TAOK3: variants seen among roughly 807,000 people sequenced by gnomAD.
The protein encoded by TAOK3 is serine/threonine-protein kinase TAO3.
A neutral mutation model predicts 120.4 loss-of-function variants in TAOK3; 40 were observed. The observed-to-expected ratio is 0.33, with a 90% CI of 0.26 to 0.43. The LOEUF is 0.43. Among genes scored for constraint, TAOK3 ranks in the 20% least tolerant of loss-of-function variants. The pLI is 1.00. For synonymous variants in TAOK3, 355 were observed against 387.5 expected (o/e 0.92, Z 0.99); for missense variants, 821 against 1,112.1 (o/e 0.74, Z 3.72).
intron 1 of TAOK3, among the ~76,000 whole-genome samples, chr12:118,315,712 C>G (rs1299029526): frequency 1.3e-5 from 2 of 151,864 alleles, no homozygotes; most frequent in Admixed American, 6.6e-5. Flanking sequence ...CCTCCTCCCC[C>G]CAAAAAGGAA....
intron 1 of TAOK3, among the ~76,000 whole-genome samples, chr12:118,282,883 G>A (rs181376454): frequency 6.6e-6 from 1 of 152,228 alleles, no homozygotes; most frequent in East Asian, 1.9e-4. Flanking sequence ...TACTCCTTTC[G>A]CTGTATCCAC....
intron 2 of TAOK3, among the ~76,000 whole-genome samples, chr12:118,265,394 GAA>G (rs35810306): frequency 1.1e-3 from 73 of 68,592 alleles, no homozygotes; most frequent in African/African-American, 1.5e-3. Flanking sequence ...GTCTCAGGAA[GAA>G]AAAAAAAAAA....
At chr12:118,197,879 G>C (rs1032689025) in intron 13 of TAOK3, among the ~76,000 whole-genome samples, 4 of 151,832 alleles carry the variant, frequency 2.6e-5, no homozygotes, top group Non-Finnish European at 5.9e-5. Context: ...AGTAGAGACG[G>C]GGTTTCACCA....
chr12:118,218,218 G>A (rs1213513757), intron 9 of TAOK3, among the ~76,000 whole-genome samples: 1 of 152,056 alleles, frequency 6.6e-6, no homozygotes, highest in Non-Finnish European at 1.5e-5. Flanking sequence ...AAATTTGGAA[G>A]TTGCTGTGTG....
intron 2 of TAOK3, among the ~76,000 whole-genome samples, chr12:118,262,250 G>C (rs1395516997): frequency 7.9e-5 from 12 of 152,034 alleles, no homozygotes; most frequent in Admixed American, 7.9e-4. Context: ...TTGGGTGGCC[G>C]AGGCAGGTGG....
intron 9 of TAOK3, among the ~76,000 whole-genome samples, chr12:118,232,256 T>G (rs1029898266): frequency 6.6e-6 from 1 of 152,202 alleles, no homozygotes; most frequent in Admixed American, 6.5e-5. Context: ...AAGTTCAAAA[T>G]ATACAACCAA....
intron 20 of TAOK3, among the ~76,000 whole-genome samples, 181 bp downstream of exon 20, chr12:118,152,046 T>C (rs2034483580): frequency 1.3e-5 from 2 of 152,142 alleles, no homozygotes; most frequent in Non-Finnish European, 2.9e-5. Flanking sequence ...ATGCGTGCCT[T>C]GGTGTTTCGG....
In TAOK3 at chr12:118,233,308, C is replaced by T. The variant is rs202197300; in HGVS notation, c.643+366G>A. ...AGGAGATATACCTAATGTTAAATGA[C>T]GAGTTAATGGATGCAGCACACCAAC... is the stretch of plus-strand genomic sequence containing the variant. On this transcript the variant is annotated intron_variant, in intron 9 of 20. Transcript: ENST00000392533. Among the ~76,000 whole-genome samples the T allele has an allele frequency of 3.8e-4, 57 of 151,134 alleles. No individual in the cohort carries two copies. In the East Asian group the frequency reaches 0.01, roughly 27 times the overall value.
chr12:118,342,402 A>C (rs1423078374), intron 1 of TAOK3, among the ~76,000 whole-genome samples: 1 of 152,220 alleles, frequency 6.6e-6, no homozygotes, highest in Non-Finnish European at 1.5e-5. Flanking sequence ...TTCCTTTGAC[A>C]TGTTGAAAAT....
intron 1 of TAOK3, among the ~76,000 whole-genome samples, chr12:118,346,378 T>C (rs1030192730): frequency 8.5e-5 from 13 of 152,204 alleles, no homozygotes; most frequent in African/African-American, 3.1e-4. Flanking sequence ...CAAAGTGACA[T>C]ATATTTGTCA....
intron 1 of TAOK3, among the ~76,000 whole-genome samples, chr12:118,327,174 T>C (rs2043968106): frequency 1.3e-5 from 2 of 152,190 alleles, no homozygotes. Context: ...CTGGTTTTAA[T>C]AATAAAAGCC....
rs2034520426 is a variant in TAOK3 at position 118,152,489 on chromosome 12, A to G, written c.2353-80T>C. ...GCCTACAGCCCTTGGTGACTACTGGAAGAGGTTTCCTCATTTGGATTGAAA... is the reference window on the plus strand; with the variant it reads ...GCCTACAGCCCTTGGTGACTACTGGGAGAGGTTTCCTCATTTGGATTGAAA... On this transcript the variant is annotated intron_variant, in intron 19 of 20. Coordinates refer to ENST00000392533, the MANE Select transcript of TAOK3 (RefSeq NM_016281.4). The G allele has an allele frequency of 2.9e-6, 4 of 1,401,018 alleles. No individual in the cohort carries two copies. In the Admixed American group the frequency reaches 8.6e-5, roughly 30 times the overall value. 86.8% of individuals were successfully genotyped at this position (1,401,018 alleles called of 1,614,324 possible). A position where few individuals can be genotyped will look rare whatever the true frequency, so the allele number is the denominator to read the frequency against.
At chr12:118,274,642 A>G (rs1343369117) in intron 1 of TAOK3, among the ~76,000 whole-genome samples, 2 of 152,064 alleles carry the variant, frequency 1.3e-5, no homozygotes, top group Non-Finnish European at 2.9e-5. Flanking sequence ...AATATCTTTT[A>G]TTTTTAAAGA....
intron 1 of TAOK3, among the ~76,000 whole-genome samples, chr12:118,320,229 C>G (rs952366823): frequency 2.0e-5 from 3 of 152,082 alleles, no homozygotes; most frequent in African/African-American, 7.2e-5. Flanking sequence ...TACAGAATTT[C>G]TGCTTGGGAT....
At chr12:118,299,825 A>T (rs545072031) in intron 1 of TAOK3, among the ~76,000 whole-genome samples, 208 of 148,592 alleles carry the variant, frequency 1.4e-3, no homozygotes, top group Middle Eastern at 6.8e-3. Context: ...AGGTTATTTT[A>T]TTTTTTTTTT....
intron 11 of TAOK3, among the ~76,000 whole-genome samples, chr12:118,210,996 C>A (rs1397249765): frequency 1.3e-5 from 2 of 152,176 alleles, no homozygotes; most frequent in African/African-American, 4.8e-5. Context: ...CTTGGCCTCC[C>A]AAAGTGCTGG....
chr12:118,274,455 T>C (rs2041837065), intron 1 of TAOK3, among the ~76,000 whole-genome samples: 1 of 152,184 alleles, frequency 6.6e-6, no homozygotes. Context: ...TTAAATTATA[T>C]GAAGATTCTT....
intron 1 of TAOK3, among the ~76,000 whole-genome samples, chr12:118,342,573 A>G (rs1459096520): frequency 3.3e-5 from 5 of 152,210 alleles, no homozygotes; most frequent in Admixed American, 2.6e-4. Flanking sequence ...TACTATCAAT[A>G]AATAAAACAT....
chr12:118,255,538 C>T lies in TAOK3; in HGVS notation c.30G>A (p.Glu10=). The T allele has an allele frequency of 6.2e-7, 1 of 1,614,108 alleles. No homozygotes were observed. Among genetic ancestry groups the T allele is most frequent in the East Asian group, 2.2e-5 (1 of 44,884 alleles). MRKGVLKDP[E]IADLFYKDDP... ...CATCTTTGTAGAATAGATCGGCAAT[C>T]TCTGGGTCCTTCAGCACCCCTTTAC... Residue 10 remains glutamate, a synonymous_variant, in exon 3 of 21, where the codon GAG becomes GAA. Transcript: ENST00000392533.
Sources: gnomAD v4.1 joint callset for allele counts (sites outside exome capture counted in the v4.1 genomes callset) on GRCh38, gnomAD v4.1.1 for gene constraint, MANE v1.5 for transcripts, NCBI Gene and HGNC (gene_info 2026-07-23, HGNC 2026-07-21) for gene names.